Variants in ARHGEF1 observed in about 807,000 individuals in gnomAD.
The protein encoded by ARHGEF1 is 115 kDa guanine nucleotide exchange factor.
Under a neutral mutation model 119.7 loss-of-function variants are expected in ARHGEF1, and 40 were observed. The observed-to-expected ratio is 0.33, with a 90% CI of 0.26 to 0.44. ARHGEF1 has a LOEUF of 0.44. Ranked by LOEUF, ARHGEF1 falls within the 20% of genes least tolerant of loss-of-function variation. The pLI is 1.00. For synonymous variants in ARHGEF1, 494 were observed against 521.0 expected (o/e 0.95, Z 0.71); for missense variants, 976 against 1,268.3 (o/e 0.77, Z 3.50).
chr19:41,891,684 T>C (rs2074379027), intron 4 of ARHGEF1, among the ~76,000 whole-genome samples: 1 of 152,110 alleles, frequency 6.6e-6, no homozygotes, highest in Admixed American at 6.5e-5. Context: ...TTAATGCATG[T>C]AGAGGGTGTA....
intron 13 of ARHGEF1, chr19:41,898,210 C>A: frequency 1.4e-6 from 2 of 1,394,594 alleles, no homozygotes; most frequent in South Asian, 1.5e-5. Flanking sequence ...CGTTGGAGAC[C>A]GAGGTCATTG....
At chr19:41,896,668 C>T in intron 13 of ARHGEF1, 186 bp downstream of exon 13, 3 of 702,538 alleles carry the variant, frequency 4.3e-6, no homozygotes, top group South Asian at 1.5e-5. Context: ...CTCCTGCTTC[C>T]TCATTGCCCC....
chr19:41,928,890 C>T, exon 2 of ARHGEF1: 1 of 456,298 alleles, frequency 2.2e-6, no homozygotes, highest in South Asian at 1.5e-5. Flanking sequence ...GTCCAGGACC[C>T]CTGCTGGACA....
At position 41,888,177 on chromosome 19, in the gene ARHGEF1, C is replaced by G. The variant is rs782157379; in HGVS notation, c.25-15C>G. 8.1e-6 allele frequency: 13 copies of G among 1,613,998 alleles called. No homozygotes were observed. Among genetic ancestry groups the G allele is most frequent in the Non-Finnish European group, 1.0e-5 (12 of 1,179,904 alleles). On this transcript the variant is annotated splice_polypyrimidine_tract_variant and intron_variant, in intron 2 of 28. Transcript: ENST00000354532. The surrounding 1 kb of genome is among the most constrained non-coding windows in gnomAD (Gnocchi z 5.1). ...GGAGAGTCCTGTGGACTGAAGCTGC[C>G]CTCCCTTTCCACAGGCCTCCCCAGG...
chr19:41,908,690 G>A (rs1488001261), downstream of ARHGEF1: 3 of 1,226,304 alleles, frequency 2.4e-6, no homozygotes, highest in Non-Finnish European at 3.1e-6. This position sits in a 1 kb window ranked among gnomAD's most constrained non-coding sequence, Gnocchi z 6.7. Flanking sequence ...GGGGGCACAG[G>A]GGTAGGTCAG....
chr19:41,929,574 C>CGCCCCTT (rs1210905203), intron 2 of ARHGEF1: 1 of 152,896 alleles, frequency 6.5e-6, no homozygotes, highest in Non-Finnish European at 1.5e-5. Flanking sequence ...CCTTGCCCCT[C>CGCCCCTT]GCCCCTTGCC....
At chr19:41,914,912 C>CCCCCTCCACCATCTCTGTCTCTCCCT (rs1555851774) in intron 18 of ARHGEF1, among the ~76,000 whole-genome samples, 2 of 104,494 alleles carry the variant, frequency 1.9e-5, no homozygotes, top group South Asian at 6.8e-4. Flanking sequence ...GTCTCTCCCT[C>CCCCCTCCACCATCTCTGTCTCTCCCT]CCCCTCCACC....
At position 41,906,418 on chromosome 19, in the gene ARHGEF1, C is replaced by T. The variant is rs782069522; in HGVS notation, c.2492-39C>T. On this transcript the variant is annotated intron_variant, in intron 26 of 28. Transcript: ENST00000354532. This position sits in a 1 kb window ranked among gnomAD's most constrained non-coding sequence, Gnocchi z 4.5. ...CCCATCCCAGATCCCAGCCCAGCCC[C>T]CTGGTCTCCTGACTCCACCCCTCCT... 4.6e-6 allele frequency: 7 copies of T among 1,522,560 alleles called. 1 individual carries two copies. In the Middle Eastern group the frequency reaches 5.3e-4, roughly 116 times the overall value. 94.3% of individuals were successfully genotyped at this position (1,522,560 alleles called of 1,614,324 possible).
At position 41,892,574 on chromosome 19, in the gene ARHGEF1, G is replaced by A; in HGVS notation, c.368-29G>A. Reference sequence around the variant, plus strand: ...CGTGGTCCAAGCCACCAGGGAGCTGGACCCTAGCCCCCATGTGTGTCCCTG... The same window carrying A: ...CGTGGTCCAAGCCACCAGGGAGCTGAACCCTAGCCCCCATGTGTGTCCCTG... On this transcript the variant is annotated intron_variant, in intron 6 of 28. Coordinates refer to ENST00000354532, the MANE Select transcript of ARHGEF1 (RefSeq NM_004706.4). The surrounding 1 kb of genome is among the most constrained non-coding windows in gnomAD (Gnocchi z 6.3). 1.3e-6 allele frequency: 2 copies of A among 1,568,006 alleles called. No homozygotes were observed. Among genetic ancestry groups the A allele is most frequent in the Non-Finnish European group, 1.7e-6 (2 of 1,152,138 alleles).
chr19:41,909,894 T>C, downstream of ARHGEF1: 1 of 1,613,488 alleles, frequency 6.2e-7, no homozygotes, highest in Non-Finnish European at 8.5e-7. The surrounding 1 kb of genome is among the most constrained non-coding windows in gnomAD (Gnocchi z 5.2). Context: ...TCGTAATTCA[T>C]GTGGGGCTTG....
chr19:41,926,985 A>T (rs1555853328), intron 1 of ARHGEF1, among the ~76,000 whole-genome samples: 1 of 152,072 alleles, frequency 6.6e-6, no homozygotes, highest in Admixed American at 6.5e-5. Context: ...AGAAAGGAAG[A>T]GAGAGAGATA....
At chr19:41,908,879 T>G (rs1160242026), downstream of ARHGEF1, among the ~76,000 whole-genome samples, 2 of 145,694 alleles carry the variant, frequency 1.4e-5, no homozygotes, top group African/African-American at 5.2e-5. This position sits in a 1 kb window ranked among gnomAD's most constrained non-coding sequence, Gnocchi z 6.7. Context: ...TGAAAGCCCC[T>G]GTCTCCCTCA....
Position 41,906,249 on chromosome 19 carries a change from C to T in ARHGEF1, c.2492-208C>T, listed in dbSNP as rs2074693418. The stretch of plus-strand genomic sequence containing the variant: ...ATTTAGCCTCTTCCTGAACACATCT[C>T]TGTCTTCAGTACCTTCCTGCCCTGT... On this transcript the variant is annotated intron_variant, in intron 26 of 28. Coordinates refer to ENST00000354532, the MANE Select transcript of ARHGEF1 (RefSeq NM_004706.4). This position sits in a 1 kb window ranked among gnomAD's most constrained non-coding sequence, Gnocchi z 4.5. 1 of 660,684 alleles carries T rather than the reference C, an allele frequency of 1.5e-6. No individual in the cohort carries two copies. The allele number at this position is 660,684 out of a possible 1,614,324, so 40.9% of individuals were successfully genotyped here.
At chr19:41,894,384 C>G (rs1285418938) in intron 9 of ARHGEF1, 67 bp from the exon 10 acceptor site, 1 of 1,516,232 alleles carries the variant, frequency 6.6e-7, no homozygotes, top group South Asian at 1.3e-5. Flanking sequence ...GGATACCTAG[C>G]GTCAAATTCT....
chr19:41,898,429 C>T lies in ARHGEF1; in HGVS notation c.1122-13C>T. 1.3e-6 allele frequency: 2 copies of T among 1,547,864 alleles called. No homozygotes were observed. The highest frequency in any genetic ancestry group is 1.7e-6 in the Non-Finnish European group (2 of 1,145,666). Reference sequence around the variant, plus strand: ...GGCCCAAGCTGGGGCCCTAACAAGGCCTCTGTCCACAGCCCCGAGCCTGGA... The same window carrying T: ...GGCCCAAGCTGGGGCCCTAACAAGGTCTCTGTCCACAGCCCCGAGCCTGGA... On this transcript the variant is annotated splice_polypyrimidine_tract_variant and intron_variant, in intron 13 of 28. Transcript: ENST00000354532.
intron 7 of ARHGEF1, chr19:41,893,070 A>ATGATC (rs1555846637): frequency 7.1e-5 from 72 of 1,008,540 alleles, no homozygotes; most frequent in Non-Finnish European, 9.8e-5. Context: ...GGTCTTGTCC[A>ATGATC]TGATCTGGCA....
downstream of ARHGEF1, among the ~76,000 whole-genome samples, chr19:41,911,892 A>G (rs1167683081): frequency 1.3e-5 from 2 of 151,790 alleles, no homozygotes; most frequent in Non-Finnish European, 2.9e-5. Flanking sequence ...TGACAGACAA[A>G]CCCCCAGAAT....
intron 11 of ARHGEF1, 55 bp downstream of exon 11, chr19:41,894,716 G>A: frequency 6.2e-7 from 1 of 1,600,428 alleles, no homozygotes; most frequent in Non-Finnish European, 8.5e-7. Context: ...GGAGAGGCTA[G>A]GACCTGGACG....
rs189276908 is a variant in ARHGEF1, at chr19:41,903,683, A to G, written c.1840-24A>G. ...CAGCCCCAGCACTTAGCTTGTCCCC[A>G]TAATGCTCCCGTCTCTGCCCCAGAG... On this transcript the variant is annotated intron_variant, in intron 19 of 28. Transcript: ENST00000354532. This position sits in a 1 kb window ranked among gnomAD's most constrained non-coding sequence, Gnocchi z 4.2. The G allele has an allele frequency of 2.1e-4, 336 of 1,610,648 alleles. No individual in the cohort carries two copies. Among genetic ancestry groups the G allele is most frequent in the Admixed American group, 3.5e-4 (21 of 60,004 alleles).
Sources: gnomAD v4.1 joint callset for allele counts (sites outside exome capture counted in the v4.1 genomes callset) on GRCh38, gnomAD v4.1.1 for gene constraint, Gnocchi (gnomAD v3.1) non-coding constraint, MANE v1.5 for transcripts, NCBI Gene and HGNC (gene_info 2026-07-23, HGNC 2026-07-21) for gene names.